Variants in PRKN observed in about 807,000 individuals in gnomAD.
The protein encoded by PRKN is parkin RBR E3 ubiquitin protein ligase.
A neutral mutation model predicts 59.5 loss-of-function variants in PRKN; 56 were observed. That is an observed-to-expected ratio of 0.94 (90% CI 0.76 to 1.18). The LOEUF is 1.18. PRKN is among the 50% of genes most tolerant of loss of function. PRKN has a pLI of 0.00. For missense variants in PRKN, 657 were observed against 596.4 expected (o/e 1.10, Z -1.06); for synonymous variants, 250 against 222.1 (o/e 1.13, Z -1.12).
At chr6:161,914,847 C>T (rs1246995653) in intron 6 of PRKN, among the ~76,000 whole-genome samples, 1 of 151,980 alleles carries the variant, frequency 6.6e-6, no homozygotes, top group Non-Finnish European at 1.5e-5. Context: ...TTTCCCTGGT[C>T]TCACCAGCAA....
chr6:161,446,802 CAG>C lies in PRKN; in HGVS notation c.1084-59927_1084-59926del, dbSNP rs1562455394. Among the ~76,000 whole-genome samples the C allele has an allele frequency of 6.6e-6, 1 of 152,152 alleles. No individual in the cohort carries two copies. The highest frequency in any genetic ancestry group is 1.5e-5 in the Non-Finnish European group (1 of 68,020). ...TGGGAGGTGGCAACTGCAGAACAGA[CAG>C]CTCTTTGGATTTCTTTAAATTGCCA... On this transcript the variant is annotated intron_variant, in intron 9 of 11. Transcript: ENST00000366898. The surrounding 1 kb of genome is among the most constrained non-coding windows in gnomAD (Gnocchi z 6.2).
intron 5 of PRKN, among the ~76,000 whole-genome samples, chr6:162,025,116 C>A (rs138835862): frequency 6.6e-6 from 1 of 150,900 alleles, no homozygotes; most frequent in Admixed American, 6.6e-5. Flanking sequence ...CCTGGGTCCA[C>A]GCCATTCTCC....
At chr6:162,318,849 G>A (rs775855766) in intron 2 of PRKN, among the ~76,000 whole-genome samples, 1 of 152,010 alleles carries the variant, frequency 6.6e-6, no homozygotes, top group Non-Finnish European at 1.5e-5. Context: ...ACTTTTCAAT[G>A]CCATTGATCA....
At chr6:162,701,147 G>A (rs1382905578) in intron 1 of PRKN, among the ~76,000 whole-genome samples, 1 of 152,070 alleles carries the variant, frequency 6.6e-6, no homozygotes, top group East Asian at 1.9e-4. Flanking sequence ...ACCAGTCAAA[G>A]TCAAATTTAT....
At chr6:162,389,183 G>T (rs1787033631) in intron 2 of PRKN, among the ~76,000 whole-genome samples, 1 of 152,038 alleles carries the variant, frequency 6.6e-6, no homozygotes, top group Admixed American at 6.6e-5. Flanking sequence ...CTCAGTGAGG[G>T]TGGTGTGCGC....
intron 9 of PRKN, among the ~76,000 whole-genome samples, chr6:161,528,195 T>C (rs1026330920): frequency 9.2e-5 from 14 of 152,230 alleles, no homozygotes; most frequent in Non-Finnish European, 1.9e-4. Flanking sequence ...CAGGATTTTA[T>C]TCTGATTGGT....
chr6:161,714,754 G>C (rs532217643), intron 7 of PRKN, among the ~76,000 whole-genome samples: 6 of 152,300 alleles, frequency 3.9e-5, no homozygotes, highest in Admixed American at 3.9e-4. Flanking sequence ...AGAGATTAGT[G>C]AATGCATTAT....
intron 4 of PRKN, among the ~76,000 whole-genome samples, chr6:162,189,349 A>G (rs975881171): frequency 6.6e-6 from 1 of 151,380 alleles, no homozygotes; most frequent in African/African-American, 2.4e-5. Flanking sequence ...TGCAAAGTTG[A>G]TTCCTATTCT....
intron 1 of PRKN, among the ~76,000 whole-genome samples, chr6:162,642,290 C>T (rs1206323109): frequency 1.3e-5 from 2 of 151,974 alleles, no homozygotes; most frequent in South Asian, 2.1e-4. Flanking sequence ...AAAATGAACA[C>T]GTTTAATGAT....
At position 161,367,079 on chromosome 6, in the gene PRKN, C is replaced by T. The variant is rs568023246; in HGVS notation, c.1168-6874G>A. On this transcript the variant is annotated intron_variant, in intron 10 of 11. Transcript: ENST00000366898. Reference sequence around the variant, plus strand: ...GATCTCGGCTCACTGCAAGCTCCGCCTCCCGGGTTCACGCCATTCTCCTGC... The same window carrying T: ...GATCTCGGCTCACTGCAAGCTCCGCTTCCCGGGTTCACGCCATTCTCCTGC... Among the ~76,000 whole-genome samples, 3 of 149,574 alleles carry T rather than the reference C, an allele frequency of 2.0e-5. 1 individual carries two copies. The highest frequency in any genetic ancestry group is 4.3e-4 in the South Asian group (2 of 4,700).
chr6:162,531,078 A>AAAAAAC (rs1778493912), intron 1 of PRKN, among the ~76,000 whole-genome samples: 1 of 147,886 alleles, frequency 6.8e-6, no homozygotes, highest in Non-Finnish European at 1.5e-5. Flanking sequence ...AAAAAAAAAA[A>AAAAAAC]TGTACAGGCC....
At chr6:161,730,679 T>G (rs1787662375) in intron 7 of PRKN, among the ~76,000 whole-genome samples, 1 of 152,182 alleles carries the variant, frequency 6.6e-6, no homozygotes, top group Admixed American at 6.5e-5. Flanking sequence ...TTCAGATATG[T>G]GGCATTCTGA....
chr6:162,154,522 G>C (rs1782416873), intron 4 of PRKN, among the ~76,000 whole-genome samples: 1 of 32,536 alleles, frequency 3.1e-5, no homozygotes, highest in Non-Finnish European at 1.1e-4. Context: ...AGTACAAAAG[G>C]AGAAAAAAAA....
rs1780453024 is a variant in PRKN, at chr6:161,561,504, T to C, written c.933+7851A>G. On this transcript the variant is annotated intron_variant, in intron 8 of 11. Coordinates refer to ENST00000366898, the MANE Select transcript of PRKN (RefSeq NM_004562.3). The surrounding 1 kb of genome is among the most constrained non-coding windows in gnomAD (Gnocchi z 5.0). Reference sequence around the variant, plus strand: ...GAAGACGCAGCAGTGAAAAATGACATCTTCCTTCGTGGAGCCATCATACTG... The same window carrying C: ...GAAGACGCAGCAGTGAAAAATGACACCTTCCTTCGTGGAGCCATCATACTG... Among the ~76,000 whole-genome samples, 1 of 152,104 alleles carries C rather than the reference T, an allele frequency of 6.6e-6. No homozygotes were observed. The highest frequency in any genetic ancestry group is 2.1e-4 in the South Asian group (1 of 4,822).
Position 161,547,495 on chromosome 6 carries a change from T to C in PRKN, c.1083+1359A>G, listed in dbSNP as rs918279074. Reference sequence around the variant, plus strand: ...AAGGTCAACAACCAAATGCAAAAGATGGGCCAGCAAAAGTCTCTACCTCCT... The same window carrying C: ...AAGGTCAACAACCAAATGCAAAAGACGGGCCAGCAAAAGTCTCTACCTCCT... On this transcript the variant is annotated intron_variant, in intron 9 of 11. Coordinates refer to ENST00000366898, the MANE Select transcript of PRKN (RefSeq NM_004562.3). This position sits in a 1 kb window ranked among gnomAD's most constrained non-coding sequence, Gnocchi z 4.0. Among the ~76,000 whole-genome samples, 4 of 152,210 alleles carry C rather than the reference T, an allele frequency of 2.6e-5. No individual in the cohort carries two copies. Among genetic ancestry groups the C allele is most frequent in the Admixed American group, 2.6e-4 (4 of 15,274 alleles).
At chr6:162,600,113 A>G (rs1420647683) in intron 1 of PRKN, among the ~76,000 whole-genome samples, 1 of 152,142 alleles carries the variant, frequency 6.6e-6, no homozygotes, top group Non-Finnish European at 1.5e-5. Context: ...CATCACCCCA[A>G]TAGCTTCCTT....
chr6:162,696,469 A>T (rs1330602297), intron 1 of PRKN, among the ~76,000 whole-genome samples: 5 of 152,052 alleles, frequency 3.3e-5, no homozygotes, highest in Non-Finnish European at 5.9e-5. Context: ...TCTACTGGAA[A>T]AGCATGTATT....
intron 2 of PRKN, among the ~76,000 whole-genome samples, chr6:162,297,174 CTTTT>C (rs10681721): frequency 2.2e-5 from 3 of 139,326 alleles, no homozygotes; most frequent in African/African-American, 2.7e-5. Context: ...TTTTTCTTTT[CTTTT>C]TTTTTTTTTT....
intron 2 of PRKN, among the ~76,000 whole-genome samples, chr6:162,417,792 G>T (rs2128157865): frequency 6.6e-6 from 1 of 152,302 alleles, no homozygotes; most frequent in South Asian, 2.1e-4. Flanking sequence ...TCAAGAGTTA[G>T]TGTCCACGTG....
Sources: allele counts gnomAD v4.1 joint callset (sites outside exome capture counted in the v4.1 genomes callset), GRCh38; gene constraint gnomAD v4.1.1; non-coding constraint Gnocchi (gnomAD v3.1); transcripts MANE v1.5; gene names NCBI Gene and HGNC (gene_info 2026-07-23, HGNC 2026-07-21).